Variants in PRH1 observed in about 807,000 individuals in gnomAD.
PRH1 encodes proline rich protein HaeIII subfamily 1.
A neutral mutation model predicts 7.9 loss-of-function variants in PRH1; 7 were observed. The ratio of observed to expected loss-of-function variants is 0.89; its 90% CI spans 0.50 to 1.67. The LOEUF (loss-of-function observed/expected upper bound fraction) is 1.67, where lower values mean the gene tolerates loss of function less well. Ranked by LOEUF, PRH1 falls within the 40% of genes most tolerant of loss-of-function variation. The pLI is 0.00. For missense variants in PRH1, 109 were observed against 223.6 expected (o/e 0.49, Z 3.27); for synonymous variants, 45 against 80.8 (o/e 0.56, Z 2.38).
intron 1 of PRH1, among the ~76,000 whole-genome samples, chr12:11,039,409 T>A (rs1395995915): frequency 6.6e-6 from 1 of 152,250 alleles, no homozygotes; most frequent in East Asian, 1.9e-4. Flanking sequence ...AAATTAACTC[T>A]TGTTCAAACA....
chr12:10,889,821 A>G lies in PRH1; in HGVS notation c.-58-5546T>C, dbSNP rs528899802. ...TCATGCCCAATAAAGGTTTTTTAAGACATTATATTTTTCATTTCTAAAATA... is the reference window on the plus strand; with the variant it reads ...TCATGCCCAATAAAGGTTTTTTAAGGCATTATATTTTTCATTTCTAAAATA... On this transcript the variant is annotated intron_variant, in intron 2 of 3. Transcript: ENST00000539853. 7.2e-5 allele frequency among the ~76,000 whole-genome samples: 11 copies of G among 152,164 alleles called. No homozygotes were observed. The East Asian group carries it at 2.1e-3, about 29-fold the overall frequency.
At chr12:10,909,240 C>A in intron 2 of PRH1, 1 of 1,613,614 alleles carries the variant, frequency 6.2e-7, no homozygotes. Context: ...GCTCAAATTC[C>A]CAATTATGAA....
intron 1 of PRH1, among the ~76,000 whole-genome samples, chr12:10,983,937 C>A (rs1311439997): frequency 1.3e-5 from 2 of 152,250 alleles, no homozygotes; most frequent in East Asian, 3.9e-4. Flanking sequence ...GTTCTAGACA[C>A]CCAAGGCTAA....
rs571323470 is a variant in PRH1 at position 10,913,040 on chromosome 12, T to C, written c.-58-28765A>G. ...GTTTATCTATGTCTTTTAGAAGTCCTGTCAACTTTTACTTTACATATTTTG... is the reference window on the plus strand; with the variant it reads ...GTTTATCTATGTCTTTTAGAAGTCCCGTCAACTTTTACTTTACATATTTTG... On this transcript the variant is annotated intron_variant, in intron 2 of 3. Coordinates refer to the PRH1 transcript ENST00000539853. Among the ~76,000 whole-genome samples the C allele has an allele frequency of 5.3e-5, 8 of 152,350 alleles. No homozygotes were observed. In the South Asian group the frequency reaches 1.7e-3, roughly 32 times the overall value.
At position 10,906,672 on chromosome 12, in the gene PRH1, C is replaced by A. The variant is rs1022313015; in HGVS notation, c.-58-22397G>T. Among the ~76,000 whole-genome samples, 22 of 152,218 alleles carry A rather than the reference C, an allele frequency of 1.4e-4. 1 individual carries two copies. Among genetic ancestry groups the A allele is most frequent in the South Asian group, 1.0e-3 (5 of 4,814 alleles). ...ACTTGATGTTTTTATAAGGGGTTTC[C>A]CCTTTCGCTTGGCTGTCATTCTCTC... On this transcript the variant is annotated intron_variant, in intron 2 of 3. Transcript: ENST00000539853.
intron 1 of PRH1, among the ~76,000 whole-genome samples, chr12:11,145,424 C>T (rs1279283264): frequency 6.6e-6 from 1 of 152,044 alleles, no homozygotes; most frequent in African/African-American, 2.4e-5. Context: ...AACTCCTGAC[C>T]TCAAATAATC....
intron 1 of PRH1, among the ~76,000 whole-genome samples, chr12:11,108,775 T>C (rs1271731651): frequency 1.2e-4 from 18 of 152,134 alleles, no homozygotes; most frequent in Non-Finnish European, 4.4e-5. Flanking sequence ...CTGCAGAAGT[T>C]TTTTGTCATA....
intron 1 of PRH1, among the ~76,000 whole-genome samples, chr12:11,127,946 A>T (rs1298170734): frequency 6.6e-6 from 1 of 151,988 alleles, no homozygotes; most frequent in Non-Finnish European, 1.5e-5. Context: ...CTCTACTAAA[A>T]ATACAAAACC....
intron 1 of PRH1, among the ~76,000 whole-genome samples, chr12:11,126,265 C>CACA (rs1414959560): frequency 3.4e-4 from 48 of 139,406 alleles, no homozygotes; most frequent in Admixed American, 6.5e-4. Context: ...AATAATCACT[C>CACA]TTGGGTCTCA....
chr12:11,133,672 G>T, intron 1 of PRH1: 1 of 1,614,210 alleles, frequency 6.2e-7, no homozygotes, highest in Non-Finnish European at 8.5e-7. Context: ...AAGATATCAG[G>T]GTCAGAGTGA....
chr12:11,124,718 T>C (rs1565676678), intron 1 of PRH1, among the ~76,000 whole-genome samples: 2 of 152,240 alleles, frequency 1.3e-5, no homozygotes, highest in African/African-American at 2.4e-5. Context: ...ATGTAGATGA[T>C]TATAATAATG....
chr12:10,903,163 G>A (rs999120822), intron 2 of PRH1, among the ~76,000 whole-genome samples: 1 of 151,970 alleles, frequency 6.6e-6, no homozygotes, highest in Middle Eastern at 3.2e-3. Flanking sequence ...GGTTGTAGAA[G>A]GATCTGTAAC....
chr12:10,996,475 A>G (rs1048391999), intron 1 of PRH1: 4 of 152,450 alleles, frequency 2.6e-5, no homozygotes, highest in African/African-American at 9.6e-5. Context: ...TAAACACACT[A>G]TGGTACATAT....
intron 2 of PRH1, among the ~76,000 whole-genome samples, chr12:10,929,616 G>C (rs1243669897): frequency 2.0e-5 from 3 of 152,182 alleles, no homozygotes; most frequent in Admixed American, 1.3e-4. Context: ...AGGATATGGA[G>C]AATGCAAGAC....
intron 1 of PRH1, among the ~76,000 whole-genome samples, chr12:11,149,409 C>T (rs1416585896): frequency 6.6e-6 from 1 of 152,146 alleles, no homozygotes; most frequent in Non-Finnish European, 1.5e-5. Context: ...CGCTACCTGA[C>T]TTCAAACTAT....
chr12:11,131,324 C>A (rs1946333208), intron 1 of PRH1, among the ~76,000 whole-genome samples: 2 of 115,742 alleles, frequency 1.7e-5, no homozygotes, highest in African/African-American at 5.7e-5. Context: ...AAGTGGCTGC[C>A]AGCAGTCATA....
At position 10,911,865 on chromosome 12, in the gene PRH1, A is replaced by G. The variant is rs1251853285; in HGVS notation, c.-58-27590T>C. On this transcript the variant is annotated intron_variant, in intron 2 of 3. Transcript: ENST00000539853. ...AAGAGAACTTTGTAAACCCCATAAC[A>G]CCTTATTTGCTCCTTTCTAATCACA... Among the ~76,000 whole-genome samples the G allele has an allele frequency of 2.6e-5, 4 of 152,236 alleles. No homozygotes were observed. In the East Asian group the frequency reaches 7.7e-4, roughly 29 times the overall value.
At chr12:10,913,463 A>AT (rs975794430) in intron 2 of PRH1, among the ~76,000 whole-genome samples, 1 of 152,102 alleles carries the variant, frequency 6.6e-6, no homozygotes, top group Non-Finnish European at 1.5e-5. Flanking sequence ...TCAAAAAAAA[A>AT]AAATCTATTT....
At chr12:10,927,587 T>C (rs1950140810) in intron 2 of PRH1, among the ~76,000 whole-genome samples, 1 of 152,224 alleles carries the variant, frequency 6.6e-6, no homozygotes, top group South Asian at 2.1e-4. Flanking sequence ...GAGAACATTG[T>C]TGTCTGTAGA....
Sources: allele counts gnomAD v4.1 joint callset (sites outside exome capture counted in the v4.1 genomes callset), GRCh38; gene constraint gnomAD v4.1.1; transcripts MANE v1.5; gene names NCBI Gene and HGNC (gene_info 2026-07-23, HGNC 2026-07-21).